SOX6: variants seen among roughly 807,000 people sequenced by gnomAD.
The protein encoded by SOX6 is transcription factor SOX-6.
In SOX6, 11 loss-of-function variants were observed where a neutral mutation model predicts 97.8. That is an observed-to-expected ratio of 0.11 (90% CI 0.07 to 0.19). The LOEUF (loss-of-function observed/expected upper bound fraction) is 0.19. Among genes scored for constraint, SOX6 ranks in the 10% least tolerant of loss-of-function variants. The pLI is 1.00. For missense variants in SOX6, 810 were observed against 1,039.5 expected, an observed-to-expected ratio of 0.78 and a Z score of 3.04; for synonymous variants, 360 against 371.4, an observed-to-expected ratio of 0.97 and a Z score of 0.35.
intron 4 of SOX6, among the ~76,000 whole-genome samples, chr11:16,550,540 G>A (rs929266180): frequency 1.2e-4 from 18 of 152,086 alleles, no homozygotes; most frequent in East Asian, 9.6e-4. Flanking sequence ...TTATATACAC[G>A]TATAAAATGT....
At chr11:16,050,806 T>G (rs1847667241) in intron 10 of SOX6, among the ~76,000 whole-genome samples, 1 of 152,152 alleles carries the variant, frequency 6.6e-6, no homozygotes, top group Admixed American at 6.6e-5. Flanking sequence ...ACTTTCATCA[T>G]CCTAGAAATT....
chr11:16,685,979 G>A (rs780612322), intron 3 of SOX6, among the ~76,000 whole-genome samples: 41 of 152,230 alleles, frequency 2.7e-4, no homozygotes, highest in Non-Finnish European at 4.9e-4. Context: ...GTGGTAGGTC[G>A]AGCTGCACCT....
chr11:16,076,735 ATTTTTTTTTTTTTT>A (rs1156737950), intron 9 of SOX6, among the ~76,000 whole-genome samples: 20 of 94,136 alleles, frequency 2.1e-4, no homozygotes, highest in African/African-American at 8.2e-4. Flanking sequence ...GGTACTACAC[ATTTTTTTTTTTTTT>A]TTTTTTTTTT....
rs1243798426 is a variant in SOX6 at position 16,613,529 on chromosome 11, A to G, written n.430-1269T>C. The stretch of plus-strand genomic sequence containing the variant: ...GTCGCTCGGCCTGAGGGCTCAGGTG[A>G]TGGAGAGGAGGCTCGCGGCGTCCCA... On this transcript the variant is annotated intron_variant and non_coding_transcript_variant, in intron 3 of 5. Transcript: ENST00000524520. This position sits in a 1 kb window ranked among gnomAD's most constrained non-coding sequence, Gnocchi z 4.6. Among the ~76,000 whole-genome samples the G allele has an allele frequency of 1.3e-5, 2 of 151,952 alleles. No individual in the cohort carries two copies. The highest frequency in any genetic ancestry group is 2.9e-5 in the Non-Finnish European group (2 of 67,982).
chr11:16,179,760 A>G (rs1235751399), intron 6 of SOX6, among the ~76,000 whole-genome samples: 1 of 151,952 alleles, frequency 6.6e-6, no homozygotes, highest in Non-Finnish European at 1.5e-5. Flanking sequence ...ATGCCTAAAT[A>G]AAACCCCATC....
intron 6 of SOX6, among the ~76,000 whole-genome samples, chr11:16,159,498 G>C (rs1306027067): frequency 1.3e-5 from 2 of 151,930 alleles, no homozygotes; most frequent in Non-Finnish European, 2.9e-5. Flanking sequence ...TAGGTAATTT[G>C]ACAGAGAAAT....
intron 9 of SOX6, 125 bp from the exon 10 acceptor site, chr11:16,056,026 A>T (rs1470383355): frequency 8.8e-6 from 10 of 1,140,308 alleles, no homozygotes. Context: ...CACTATTTTT[A>T]AAAAAGGAAG....
chr11:16,465,882 A>C (rs571952829), intron 1 of SOX6: 5 of 152,320 alleles, frequency 3.3e-5, no homozygotes, highest in African/African-American at 1.2e-4. Flanking sequence ...CACCCACATA[A>C]ACTCTCTAGT....
At chr11:16,454,314 T>C (rs2133099499) in intron 1 of SOX6, among the ~76,000 whole-genome samples, 1 of 152,236 alleles carries the variant, frequency 6.6e-6, no homozygotes, top group African/African-American at 2.4e-5. Context: ...TGTAAAATTA[T>C]ATGACACCTC....
chr11:15,992,353 C>T (rs533096775), intron 13 of SOX6, among the ~76,000 whole-genome samples: 24 of 152,294 alleles, frequency 1.6e-4, no homozygotes, highest in Middle Eastern at 3.4e-3. Context: ...ACAACAGCGA[C>T]GTTTAACACC....
intron 1 of SOX6, among the ~76,000 whole-genome samples, chr11:16,462,284 T>C (rs1859946404): frequency 6.6e-6 from 1 of 152,272 alleles, no homozygotes; most frequent in Non-Finnish European, 1.5e-5. Flanking sequence ...AACTACCATA[T>C]GCCTGAAGCT....
chr11:16,136,661 C>T (rs1027813827), intron 6 of SOX6, among the ~76,000 whole-genome samples: 1 of 152,130 alleles, frequency 6.6e-6, no homozygotes, highest in Non-Finnish European at 1.5e-5. Context: ...ATCTCAAACT[C>T]CTAGGCTCAA....
Position 16,487,993 on chromosome 11 carries a change from C to T in SOX6, n.610-11605G>A, listed in dbSNP as rs144447857. 1.3e-3 allele frequency among the ~76,000 whole-genome samples: 199 copies of T among 152,288 alleles called. 1 individual carries two copies. Among genetic ancestry groups the T allele is most frequent in the Non-Finnish European group, 2.3e-3 (157 of 68,008 alleles). On this transcript the variant is annotated intron_variant and non_coding_transcript_variant, in intron 4 of 5. Transcript: ENST00000524520. ...CAGACCAGAACAACTTATGGGAATA[C>T]AGAGAGTCAACATAGTCTCAACTTG...
intron 3 of SOX6, among the ~76,000 whole-genome samples, chr11:16,289,403 A>G (rs375163956): frequency 1.3e-5 from 2 of 152,008 alleles, no homozygotes; most frequent in African/African-American, 4.8e-5. Flanking sequence ...CAGGATTTTC[A>G]TCTCTTAAAT....
chr11:16,422,310 T>C (rs1401371103), intron 1 of SOX6, among the ~76,000 whole-genome samples: 1 of 152,190 alleles, frequency 6.6e-6, no homozygotes, highest in Non-Finnish European at 1.5e-5. Flanking sequence ...CTGCTATAAT[T>C]ATATTTTATT....
At chr11:16,181,164 T>A (rs527907195) in intron 6 of SOX6, among the ~76,000 whole-genome samples, 2 of 151,724 alleles carry the variant, frequency 1.3e-5, no homozygotes, top group African/African-American at 4.8e-5. Flanking sequence ...CACCTCATAC[T>A]CATGACCCAT....
chr11:16,024,392 T>A (rs1855158677), intron 12 of SOX6, among the ~76,000 whole-genome samples: 1 of 151,702 alleles, frequency 6.6e-6, no homozygotes, highest in Non-Finnish European at 1.5e-5. Flanking sequence ...TCCAAAATTA[T>A]CAAATAATAA....
chr11:16,693,369 T>G (rs2134037187), intron 3 of SOX6, among the ~76,000 whole-genome samples: 2 of 152,272 alleles, frequency 1.3e-5, no homozygotes, highest in South Asian at 2.1e-4. Context: ...ATTATTTGAC[T>G]AATTTTCATG....
chr11:16,005,580 G>T (rs114468104), intron 13 of SOX6, among the ~76,000 whole-genome samples: 341 of 152,110 alleles, frequency 2.2e-3, no homozygotes, highest in African/African-American at 8.0e-3. Context: ...TAGCTCTCCA[G>T]CATGGAGCAG....
Sources: allele counts gnomAD v4.1 joint callset (sites outside exome capture counted in the v4.1 genomes callset), GRCh38; gene constraint gnomAD v4.1.1; non-coding constraint Gnocchi (gnomAD v3.1); transcripts MANE v1.5; gene names NCBI Gene and HGNC (gene_info 2026-07-23, HGNC 2026-07-21).